Variants in CLIC5 observed in about 807,000 individuals in gnomAD.
CLIC5 encodes CLIC family member 5.
In CLIC5, 20 loss-of-function variants were observed where a neutral mutation model predicts 24.7. That is an observed-to-expected ratio of 0.81 (90% CI 0.57 to 1.18). The LOEUF is 1.18. Ranked by LOEUF, CLIC5 falls within the 50% of genes most tolerant of loss-of-function variation. CLIC5 has a pLI of 0.00. For synonymous variants in CLIC5, 159 were observed against 135.6 expected (o/e 1.17, Z -1.20); for missense variants, 341 against 326.1 (o/e 1.05, Z -0.35).
chr6:45,893,125 C>T (rs4458685), intron 6 of CLIC5, among the ~76,000 whole-genome samples: 79,008 of 151,792 alleles, frequency 0.52, 21,352 homozygotes, highest in African/African-American at 0.67. Context: ...TGTGGTTCAG[C>T]GAGAGTCTCA....
chr6:45,971,173 T>C (rs1177336106), intron 1 of CLIC5, among the ~76,000 whole-genome samples: 2 of 152,234 alleles, frequency 1.3e-5, no homozygotes, highest in Non-Finnish European at 2.9e-5. Context: ...CACATTCTAA[T>C]ACTACTATCC....
chr6:45,901,816 A>G lies in CLIC5; in HGVS notation c.*1272T>C, dbSNP rs553609260. 1.0e-4 allele frequency: 16 copies of G among 152,610 alleles called. No individual in the cohort carries two copies. Among genetic ancestry groups the G allele is most frequent in the Non-Finnish European group, 1.5e-4 (10 of 68,008 alleles). 9.5% of individuals were successfully genotyped at this position (152,610 alleles called of 1,614,324 possible). ...AGTCAGATTGTAGGAAAATTAACCCAGATGGGTCTACATTTTTCTTCAAGT... is the reference window on the plus strand; with the variant it reads ...AGTCAGATTGTAGGAAAATTAACCCGGATGGGTCTACATTTTTCTTCAAGT... On this transcript the variant is annotated 3_prime_UTR_variant, in exon 6 of 6. Coordinates refer to ENST00000339561, the MANE Select transcript of CLIC5 (RefSeq NM_016929.5).
At chr6:46,002,561 T>A (rs1766401620) in intron 1 of CLIC5, among the ~76,000 whole-genome samples, 1 of 152,150 alleles carries the variant, frequency 6.6e-6, no homozygotes, top group Non-Finnish European at 1.5e-5. Context: ...CTGGTCCTCT[T>A]CCCTCTGCCT....
chr6:46,033,597 C>T (rs1171529313), intron 1 of CLIC5, among the ~76,000 whole-genome samples: 1 of 152,198 alleles, frequency 6.6e-6, no homozygotes, highest in Non-Finnish European at 1.5e-5. Context: ...TGGGCCCACA[C>T]ATGGGAAGAC....
chr6:46,039,277 A>C (rs1158183629), intron 1 of CLIC5, among the ~76,000 whole-genome samples: 1 of 152,172 alleles, frequency 6.6e-6, no homozygotes, highest in African/African-American at 2.4e-5. Flanking sequence ...GGATTTTAAA[A>C]TATGTGACAA....
chr6:45,941,418 A>T, intron 4 of CLIC5, 129 bp downstream of exon 4: 1 of 742,608 alleles, frequency 1.3e-6, no homozygotes, highest in Non-Finnish European at 2.4e-6. Flanking sequence ...GTGGGGGCAA[A>T]TAATAAGCAG....
intron 5 of CLIC5, among the ~76,000 whole-genome samples, chr6:45,910,625 C>T (rs1762789599): frequency 6.6e-6 from 1 of 152,228 alleles, no homozygotes; most frequent in Admixed American, 6.5e-5. Flanking sequence ...TACTTTACTA[C>T]TCAGCCCTAC....
intron 1 of CLIC5, among the ~76,000 whole-genome samples, chr6:45,961,601 C>A (rs73460651): frequency 0.13 from 20,110 of 152,084 alleles, 1,781 homozygotes; most frequent in East Asian, 0.51. Context: ...TTCCAGCTGC[C>A]CATTTTTTAA....
At chr6:46,081,853 T>C (rs759359326), upstream of CLIC5, among the ~76,000 whole-genome samples, 1 of 152,226 alleles carries the variant, frequency 6.6e-6, no homozygotes, top group Non-Finnish European at 1.5e-5. Context: ...TTTCTGCTAC[T>C]AAATCTCTTC....
intron 1 of CLIC5, among the ~76,000 whole-genome samples, chr6:46,079,547 A>G (rs1365222924): frequency 6.6e-6 from 1 of 152,198 alleles, no homozygotes; most frequent in African/African-American, 2.4e-5. Context: ...AGCTGAGTAC[A>G]CTCTAATGAC....
upstream of CLIC5, among the ~76,000 whole-genome samples, chr6:46,020,040 G>A (rs1027548599): frequency 2.6e-5 from 4 of 152,040 alleles, no homozygotes; most frequent in East Asian, 1.9e-4. Context: ...TAAGAATATA[G>A]AATATAGAAG....
chr6:45,967,956 C>T (rs1039331910), intron 1 of CLIC5, among the ~76,000 whole-genome samples: 1 of 152,180 alleles, frequency 6.6e-6, no homozygotes, highest in Non-Finnish European at 1.5e-5. Flanking sequence ...TTGGGAATCA[C>T]ATTTCAACAT....
chr6:46,111,916 G>T, the CLIC5 span, among the ~76,000 whole-genome samples: 9 of 152,044 alleles, frequency 5.9e-5, no homozygotes, highest in Non-Finnish European at 7.4e-5. Context: ...GTTCTCTCTT[G>T]TCTGCCACTA....
intron 1 of CLIC5, among the ~76,000 whole-genome samples, chr6:46,002,754 T>G (rs1165116460): frequency 6.6e-6 from 1 of 152,202 alleles, no homozygotes; most frequent in Non-Finnish European, 1.5e-5. Context: ...GTAGGAGACT[T>G]GAGAACAGGT....
intron 1 of CLIC5, among the ~76,000 whole-genome samples, chr6:46,022,870 A>G (rs1408523771): frequency 6.6e-6 from 1 of 152,220 alleles, no homozygotes; most frequent in African/African-American, 2.4e-5. Context: ...CCTTCTGATG[A>G]TGAGCAGTCT....
chr6:46,020,972 A>G (rs1767161095), intron 1 of CLIC5, among the ~76,000 whole-genome samples: 1 of 151,862 alleles, frequency 6.6e-6, no homozygotes, highest in Non-Finnish European at 1.5e-5. Flanking sequence ...TTCATTAATG[A>G]ATTCTACTAA....
chr6:46,063,285 GA>G (rs1170716194), intron 1 of CLIC5, among the ~76,000 whole-genome samples: 1 of 152,170 alleles, frequency 6.6e-6, no homozygotes, highest in Non-Finnish European at 1.5e-5. Context: ...GATAAATGGA[GA>G]TCTTAGAGTC....
chr6:46,128,461 C>A, the CLIC5 span, among the ~76,000 whole-genome samples: 1 of 152,304 alleles, frequency 6.6e-6, no homozygotes, highest in South Asian at 2.1e-4. Context: ...TGGACATTAC[C>A]TAAATTCCCC....
chr6:46,115,016 A>T, the CLIC5 span, among the ~76,000 whole-genome samples: 3 of 152,224 alleles, frequency 2.0e-5, no homozygotes, highest in African/African-American at 7.2e-5. Context: ...TGGAGAGAAA[A>T]GGAGAAGACA....
Sources: gnomAD v4.1 joint callset for allele counts (sites outside exome capture counted in the v4.1 genomes callset) on GRCh38, gnomAD v4.1.1 for gene constraint, MANE v1.5 for transcripts, NCBI Gene and HGNC (gene_info 2026-07-23, HGNC 2026-07-21) for gene names.